The following EYS variants were observed in gnomAD, a reference collection of about 807,000 sequenced individuals.
EYS encodes EGF-like photoreceptor maintenance factor.
EYS carries 250 observed loss-of-function variants against 282.1 expected under a neutral mutation model. The ratio of observed to expected loss-of-function variants is 0.89; its 90% confidence interval spans 0.80 to 0.98. The LOEUF (loss-of-function observed/expected upper bound fraction) is 0.98, where lower values mean the gene tolerates loss of function less well. Among genes scored for constraint, EYS ranks in the 50% least tolerant of loss-of-function variants. The pLI is 0.00. For synonymous variants in EYS, 1,355 were observed against 1,282.9 expected, an observed-to-expected ratio of 1.06 and a Z score of -1.20; for missense variants, 4,016 against 3,709.0, an observed-to-expected ratio of 1.08 and a Z score of -2.15.
intron 13 of EYS, among the ~76,000 whole-genome samples, chr6:65,056,842 T>A (rs547670633): frequency 2.0e-5 from 3 of 152,084 alleles, no homozygotes; most frequent in Non-Finnish European, 4.4e-5. Context: ...TACATTCAAC[T>A]AAATGAGCTA....
intron 12 of EYS, among the ~76,000 whole-genome samples, chr6:65,172,428 GT>G (rs1386782247): frequency 6.6e-6 from 1 of 151,326 alleles, no homozygotes; most frequent in African/African-American, 2.4e-5. Flanking sequence ...GCATATGCAG[GT>G]TCCCAAAGCC....
chr6:64,498,386 G>A (rs546104312), intron 26 of EYS, among the ~76,000 whole-genome samples: 1 of 152,048 alleles, frequency 6.6e-6, no homozygotes, highest in Non-Finnish European at 1.5e-5. Context: ...TATGTAGATT[G>A]ATTCCTTCAT....
chr6:64,156,888 ATTAAT>A (rs1774941124), intron 31 of EYS, among the ~76,000 whole-genome samples: 2 of 136,288 alleles, frequency 1.5e-5, no homozygotes, highest in African/African-American at 7.4e-5. Context: ...TTAATTTTTA[ATTAAT>A]TTATTTTTTT....
At chr6:64,446,737 G>A (rs1301164751) in intron 26 of EYS, among the ~76,000 whole-genome samples, 1 of 152,034 alleles carries the variant, frequency 6.6e-6, no homozygotes, top group Admixed American at 6.6e-5. Context: ...TAATTACTCT[G>A]TAGTGATCAG....
chr6:64,640,986 A>G (rs1374683777), intron 22 of EYS, among the ~76,000 whole-genome samples: 4 of 152,188 alleles, frequency 2.6e-5, no homozygotes, highest in East Asian at 1.9e-4. Flanking sequence ...CAAAATATTC[A>G]GTTGAAATTA....
intron 19 of EYS, among the ~76,000 whole-genome samples, chr6:64,870,957 G>A (rs1766576699): frequency 6.6e-6 from 1 of 151,774 alleles, no homozygotes; most frequent in African/African-American, 2.4e-5. Flanking sequence ...ACCATCAAGT[G>A]GACCAACATA....
At chr6:65,487,542 C>A (rs62175013) in intron 5 of EYS, among the ~76,000 whole-genome samples, 1 of 152,072 alleles carries the variant, frequency 6.6e-6, no homozygotes, top group African/African-American at 2.4e-5. Flanking sequence ...TCTTGGTAGA[C>A]AAGCTTTCTG....
intron 35 of EYS, among the ~76,000 whole-genome samples, chr6:63,921,860 A>C (rs1213060869): frequency 2.0e-5 from 3 of 152,350 alleles, no homozygotes; most frequent in East Asian, 1.9e-4. Flanking sequence ...CAGTTTTGAG[A>C]AGATTTTACC....
chr6:64,646,680 C>T (rs1464562668), intron 22 of EYS, among the ~76,000 whole-genome samples: 2 of 151,966 alleles, frequency 1.3e-5, no homozygotes, highest in Non-Finnish European at 2.9e-5. Flanking sequence ...GTGGCGGGCG[C>T]CTGAGTCCCA....
chr6:64,389,734 C>A (rs1435290913), intron 28 of EYS, among the ~76,000 whole-genome samples: 4 of 152,124 alleles, frequency 2.6e-5, no homozygotes, highest in Non-Finnish European at 5.9e-5. Flanking sequence ...TATCATAATC[C>A]TTTTCAAAAT....
At chr6:64,477,498 G>A (rs764353465) in intron 26 of EYS, among the ~76,000 whole-genome samples, 36 of 152,028 alleles carry the variant, frequency 2.4e-4, no homozygotes, top group Non-Finnish European at 4.4e-4. Flanking sequence ...CCTGTCTGAC[G>A]TCTGATGTAT....
intron 29 of EYS, among the ~76,000 whole-genome samples, chr6:64,338,026 C>A (rs1398768011): frequency 6.6e-6 from 1 of 151,936 alleles, no homozygotes; most frequent in Non-Finnish European, 1.5e-5. Flanking sequence ...CAACATAATA[C>A]TGGATGGGGA....
chr6:64,162,440 C>G (rs950421402), intron 31 of EYS, among the ~76,000 whole-genome samples: 1 of 152,080 alleles, frequency 6.6e-6, no homozygotes, highest in Non-Finnish European at 1.5e-5. Context: ...GTTTCTCCAT[C>G]AAGGCTCACC....
At chr6:65,433,210 CAAAGACAT>C (rs1767946724) in intron 5 of EYS, among the ~76,000 whole-genome samples, 1 of 152,006 alleles carries the variant, frequency 6.6e-6, no homozygotes, top group Admixed American at 6.5e-5. Context: ...ATGAAGATAG[CAAAGACAT>C]GGAAGCCAAT....
chr6:64,437,792 A>G (rs1220958167), intron 27 of EYS, among the ~76,000 whole-genome samples: 1 of 149,910 alleles, frequency 6.7e-6, no homozygotes, highest in African/African-American at 2.4e-5. Flanking sequence ...CCATGGTGCT[A>G]TATATATATA....
chr6:64,037,471 G>C (rs1412592306), intron 33 of EYS, among the ~76,000 whole-genome samples: 1 of 152,044 alleles, frequency 6.6e-6, no homozygotes, highest in Non-Finnish European at 1.5e-5. Flanking sequence ...ATTCTTTTAT[G>C]GAATTGCTAT....
intron 5 of EYS, among the ~76,000 whole-genome samples, chr6:65,407,743 C>A (rs1766811888): frequency 1.0e-5 from 1 of 98,768 alleles, no homozygotes; most frequent in African/African-American, 4.1e-5. Flanking sequence ...ACTAATAAGT[C>A]CGTGTGTGTG....
chr6:64,565,312 A>G (rs557576506), intron 26 of EYS, among the ~76,000 whole-genome samples: 7 of 152,004 alleles, frequency 4.6e-5, no homozygotes, highest in Non-Finnish European at 1.0e-4. Flanking sequence ...TAGTAGTTTC[A>G]CAGTTTCAGA....
intron 22 of EYS, among the ~76,000 whole-genome samples, chr6:64,787,180 T>A (rs1411681535): frequency 6.6e-6 from 1 of 152,212 alleles, no homozygotes; most frequent in Admixed American, 6.5e-5. Context: ...AGACTCCGTG[T>A]GCTCAGTAGT....
Sources: gnomAD v4.1 joint callset for allele counts (sites outside exome capture counted in the v4.1 genomes callset) on GRCh38, gnomAD v4.1.1 for gene constraint, MANE v1.5 for transcripts, NCBI Gene and HGNC (gene_info 2026-07-23, HGNC 2026-07-21) for gene names.